The following SBF2 variants were observed in gnomAD, a reference collection of about 807,000 sequenced individuals.
SBF2 encodes the protein myotubularin-related protein 13.
Under a neutral mutation model 225.2 loss-of-function variants are expected in SBF2, and 112 were observed. The observed-to-expected ratio is 0.50, with a 90% CI of 0.43 to 0.58. SBF2 has a LOEUF of 0.58. SBF2 is among the 20% of genes least tolerant of loss of function. The pLI, the probability that SBF2 is intolerant of heterozygous loss-of-function variation, is 0.00. For synonymous variants in SBF2, 763 were observed against 773.3 expected, an observed-to-expected ratio of 0.99 and a Z score of 0.22; for missense variants, 1,996 against 2,206.2, an observed-to-expected ratio of 0.90 and a Z score of 1.91.
chr11:9,896,066 T>C, intron 16 of SBF2, 55 bp from the exon 17 acceptor site: 2 of 1,368,196 alleles, frequency 1.5e-6, no homozygotes, highest in Middle Eastern at 1.8e-4. Flanking sequence ...AAATCACAAA[T>C]ACATGCGAAC....
intron 1 of SBF2, among the ~76,000 whole-genome samples, chr11:10,216,785 G>A (rs946501601): frequency 6.6e-6 from 1 of 152,110 alleles, no homozygotes; most frequent in Non-Finnish European, 1.5e-5. Flanking sequence ...CAGGAGAATC[G>A]CTTGAAACCG....
At chr11:10,193,828 C>T (rs1957270791) in intron 2 of SBF2, 74 bp downstream of exon 2, 2 of 997,272 alleles carry the variant, frequency 2.0e-6, no homozygotes, top group African/African-American at 1.6e-5. Flanking sequence ...GCAAATGTAA[C>T]ATAAATGTAA....
chr11:10,172,102 T>C (rs981220157), intron 2 of SBF2, among the ~76,000 whole-genome samples: 1 of 152,144 alleles, frequency 6.6e-6, no homozygotes, highest in Non-Finnish European at 1.5e-5. Context: ...GTTTTGTTGA[T>C]CTTTTGTATT....
intron 6 of SBF2, among the ~76,000 whole-genome samples, chr11:10,015,356 A>G (rs907961098): frequency 4.6e-5 from 7 of 152,210 alleles, no homozygotes; most frequent in Non-Finnish European, 1.0e-4. Flanking sequence ...TTGCTATAAC[A>G]AAGTACCACA....
At chr11:9,784,137 T>C (rs1365483302) in intron 38 of SBF2, among the ~76,000 whole-genome samples, 1 of 152,190 alleles carries the variant, frequency 6.6e-6, no homozygotes, top group East Asian at 1.9e-4. Flanking sequence ...TGCCTGCATG[T>C]ACCAGGCCGA....
intron 29 of SBF2, among the ~76,000 whole-genome samples, chr11:9,813,893 G>C (rs527669139): frequency 1.6e-4 from 25 of 152,042 alleles, no homozygotes; most frequent in South Asian, 4.1e-4. Context: ...AGTGAGCTGA[G>C]ATGACACCAC....
chr11:9,895,833 C>G (rs1861208840), intron 17 of SBF2, 110 bp downstream of exon 17: 2 of 808,928 alleles, frequency 2.5e-6, no homozygotes, highest in Admixed American at 1.7e-5. Flanking sequence ...GCAGATATAT[C>G]TTAGGCATGC....
chr11:10,195,980 C>T (rs756419348), intron 1 of SBF2, among the ~76,000 whole-genome samples: 1 of 152,076 alleles, frequency 6.6e-6, no homozygotes, highest in Non-Finnish European at 1.5e-5. Context: ...TGGAGGTACA[C>T]AAATGAAAAA....
At chr11:10,212,030 A>G (rs1957960730) in intron 1 of SBF2, among the ~76,000 whole-genome samples, 1 of 152,166 alleles carries the variant, frequency 6.6e-6, no homozygotes, top group East Asian at 1.9e-4. Flanking sequence ...TGAACCTTTC[A>G]AGTCTTTAAT....
At chr11:9,956,527 T>C (rs1301763893) in intron 16 of SBF2, 2 of 151,938 alleles carry the variant, frequency 1.3e-5, no homozygotes, top group African/African-American at 2.4e-5. Context: ...ACACAGATCA[T>C]CTTGTTATAC....
At chr11:10,162,428 T>C (rs2278629) in intron 2 of SBF2, among the ~76,000 whole-genome samples, 8,404 of 152,280 alleles carry the variant, frequency 0.055, 319 homozygotes, top group Middle Eastern at 0.14. Flanking sequence ...GTTTCTGTTA[T>C]GTCTTTGAAA....
At chr11:9,971,505 C>T (rs1366783106) in intron 13 of SBF2, among the ~76,000 whole-genome samples, 2 of 151,772 alleles carry the variant, frequency 1.3e-5, no homozygotes, top group Admixed American at 1.3e-4. Context: ...ATAGTGAGAC[C>T]CCATTTCTAC....
chr11:10,284,837 T>C (rs899234023), intron 1 of SBF2, among the ~76,000 whole-genome samples: 3 of 151,986 alleles, frequency 2.0e-5, no homozygotes, highest in Non-Finnish European at 4.4e-5. Context: ...TTGCCTAGAC[T>C]GGTCTCAAAT....
intron 2 of SBF2, among the ~76,000 whole-genome samples, chr11:10,180,254 G>T (rs1565325823): frequency 6.6e-6 from 1 of 151,890 alleles, no homozygotes; most frequent in African/African-American, 2.4e-5. Flanking sequence ...ATCATTTCTT[G>T]TAAGACAGGT....
chr11:9,876,055 C>T (rs1457958433), intron 17 of SBF2, among the ~76,000 whole-genome samples: 1 of 152,062 alleles, frequency 6.6e-6, no homozygotes, highest in African/African-American at 2.4e-5. Flanking sequence ...GTGCTGAAGC[C>T]AGCATCAGAT....
chr11:10,002,522 T>C (rs1434997072), intron 7 of SBF2, 35 bp downstream of exon 7: 2 of 1,522,504 alleles, frequency 1.3e-6, no homozygotes, highest in African/African-American at 1.4e-5. Context: ...ATATGTAGTT[T>C]AGGAATAAAT....
intron 16 of SBF2, among the ~76,000 whole-genome samples, chr11:9,953,710 T>A (rs1211955618): frequency 6.6e-6 from 1 of 151,930 alleles, no homozygotes; most frequent in Non-Finnish European, 1.5e-5. Context: ...AGGGCTTGGT[T>A]TTCTCTACTT....
rs1316983603 is a variant in SBF2 at position 9,959,131 on chromosome 11, T to C, written c.1860+2826A>G. 6.8e-6 allele frequency: 7 copies of C among 1,024,120 alleles called. No homozygotes were observed. In the Admixed American group the frequency reaches 8.6e-5, roughly 13 times the overall value. The allele number at this position is 1,024,120 out of a possible 1,614,324, so 63.4% of individuals were successfully genotyped here. On this transcript the variant is annotated intron_variant, in intron 16 of 39. Transcript: ENST00000256190. ...CACTCCGAAGTCTTCACATACACGA[T>C]GTAAGATGAAACAGGTCACCCAGAG...
intron 26 of SBF2, among the ~76,000 whole-genome samples, chr11:9,833,934 C>T (rs1387710365): frequency 6.6e-6 from 1 of 151,002 alleles, no homozygotes; most frequent in Admixed American, 6.6e-5. Flanking sequence ...CCACGCCTGG[C>T]TAATTTTGTA....
Sources: allele counts gnomAD v4.1 joint callset (sites outside exome capture counted in the v4.1 genomes callset), GRCh38; gene constraint gnomAD v4.1.1; transcripts MANE v1.5; gene names NCBI Gene and HGNC (gene_info 2026-07-23, HGNC 2026-07-21).